SEMA3A: variants seen among roughly 807,000 people sequenced by gnomAD.
SEMA3A encodes the protein semaphorin 3A.
A neutral mutation model predicts 97.9 loss-of-function variants in SEMA3A; 29 were observed. The ratio of observed to expected loss-of-function variants is 0.30; its 90% CI spans 0.22 to 0.40. SEMA3A has a LOEUF of 0.40. Among genes scored for constraint, SEMA3A ranks in the 10% least tolerant of loss-of-function variants. SEMA3A has a pLI of 1.00. For synonymous variants in SEMA3A, 321 were observed against 323.7 expected, an observed-to-expected ratio of 0.99 and a Z score of 0.09; for missense variants, 763 against 951.3, an observed-to-expected ratio of 0.80 and a Z score of 2.60.
At chr7:84,322,702 C>T (rs1238300613) in intron 2 of SEMA3A, among the ~76,000 whole-genome samples, 1 of 152,144 alleles carries the variant, frequency 6.6e-6, no homozygotes, top group Non-Finnish European at 1.5e-5. Context: ...AATTATAAGT[C>T]TCAGGTGTGT....
chr7:84,337,793 T>A (rs112832555), intron 2 of SEMA3A, among the ~76,000 whole-genome samples: 3 of 152,246 alleles, frequency 2.0e-5, no homozygotes, highest in African/African-American at 7.2e-5. Context: ...AGTTGGCACA[T>A]GTTCGTCTTG....
At chr7:84,123,223 T>C (rs919605374) in intron 3 of SEMA3A, among the ~76,000 whole-genome samples, 7 of 152,144 alleles carry the variant, frequency 4.6e-5, no homozygotes, top group African/African-American at 1.7e-4. Flanking sequence ...AATAGAAATG[T>C]TACTGTGTAT....
chr7:84,048,706 C>T (rs73187470), intron 5 of SEMA3A, among the ~76,000 whole-genome samples: 7,340 of 151,900 alleles, frequency 0.048, 286 homozygotes, highest in East Asian at 0.19. Flanking sequence ...AAAATGAAAA[C>T]TGAAAAATTT....
chr7:84,148,430 A>C (rs764496683), intron 1 of SEMA3A, among the ~76,000 whole-genome samples: 22 of 152,170 alleles, frequency 1.4e-4, no homozygotes, highest in Admixed American at 4.6e-4. Flanking sequence ...AACGAATTCA[A>C]AGAATTTCTA....
At chr7:84,208,331 A>G (rs1167384741) in intron 3 of SEMA3A, among the ~76,000 whole-genome samples, 2 of 151,902 alleles carry the variant, frequency 1.3e-5, no homozygotes, top group Non-Finnish European at 2.9e-5. Flanking sequence ...GGGCGCCTGT[A>G]ATCCCAGCTA....
intron 12 of SEMA3A, among the ~76,000 whole-genome samples, chr7:83,988,202 C>T (rs1789717616): frequency 1.3e-5 from 2 of 151,974 alleles, no homozygotes; most frequent in African/African-American, 4.8e-5. Context: ...CCCTAATAAG[C>T]TCTTGTGTTT....
intron 3 of SEMA3A, among the ~76,000 whole-genome samples, chr7:84,259,074 G>A (rs575860889): frequency 6.6e-6 from 1 of 152,130 alleles, no homozygotes; most frequent in South Asian, 2.1e-4. Flanking sequence ...CAACCTCAAT[G>A]TTGAGATACC....
chr7:84,354,567 T>C (rs1331031980), intron 2 of SEMA3A, among the ~76,000 whole-genome samples: 1 of 151,706 alleles, frequency 6.6e-6, no homozygotes, highest in Non-Finnish European at 1.5e-5. Flanking sequence ...ATAAGTGCTC[T>C]ACTTTATGTT....
intron 1 of SEMA3A, among the ~76,000 whole-genome samples, chr7:84,424,370 A>C (rs1804685053): frequency 7.2e-6 from 1 of 138,972 alleles, no homozygotes; most frequent in African/African-American, 2.6e-5. Context: ...TAAAATAATA[A>C]TATAATATAC....
chr7:84,403,004 C>G (rs965420975), intron 1 of SEMA3A, among the ~76,000 whole-genome samples: 1 of 152,100 alleles, frequency 6.6e-6, no homozygotes, highest in Non-Finnish European at 1.5e-5. Context: ...GCATTTCCAA[C>G]TGAGGTAATG....
chr7:84,199,278 T>C (rs866255738), upstream of SEMA3A, among the ~76,000 whole-genome samples: 8 of 152,164 alleles, frequency 5.3e-5, no homozygotes, highest in South Asian at 1.2e-3. Flanking sequence ...AGGATGCACT[T>C]GATTAAATAA....
intron 1 of SEMA3A, among the ~76,000 whole-genome samples, chr7:84,420,705 T>C (rs192395590): frequency 6.6e-6 from 1 of 151,944 alleles, no homozygotes; most frequent in African/African-American, 2.4e-5. Context: ...AAGTCTATGA[T>C]TTAAAGTCTT....
At chr7:84,326,961 A>C (rs1801789815) in intron 2 of SEMA3A, among the ~76,000 whole-genome samples, 1 of 152,054 alleles carries the variant, frequency 6.6e-6, no homozygotes. Context: ...AAAAGCAAGA[A>C]TTGAAAATGG....
At chr7:84,441,344 A>G (rs1805268948) in intron 1 of SEMA3A, among the ~76,000 whole-genome samples, 1 of 151,780 alleles carries the variant, frequency 6.6e-6, no homozygotes, top group Non-Finnish European at 1.5e-5. Flanking sequence ...CAATAAAGAG[A>G]TAGAAACTGT....
intron 3 of SEMA3A, among the ~76,000 whole-genome samples, chr7:84,258,739 T>A (rs997258499): frequency 5.3e-5 from 8 of 152,204 alleles, no homozygotes; most frequent in Admixed American, 3.3e-4. Context: ...TACTGCTCCA[T>A]GAGACAATGA....
At chr7:83,995,499 A>T (rs1227196778) in intron 12 of SEMA3A, among the ~76,000 whole-genome samples, 2 of 152,216 alleles carry the variant, frequency 1.3e-5, no homozygotes, top group Non-Finnish European at 2.9e-5. Flanking sequence ...GAAATTAATA[A>T]CAGTTTGGAA....
intron 3 of SEMA3A, among the ~76,000 whole-genome samples, chr7:84,127,397 C>T (rs1263578524): frequency 6.6e-6 from 1 of 152,046 alleles, no homozygotes; most frequent in Non-Finnish European, 1.5e-5. Flanking sequence ...CCCACTGACT[C>T]CCACTTTGCT....
rs1805349867 is a variant in SEMA3A at position 84,444,285 on chromosome 7, A to G, written c.-246+48175T>C. Among the ~76,000 whole-genome samples, 3 of 152,264 alleles carry G rather than the reference A, an allele frequency of 2.0e-5. No individual in the cohort carries two copies. The South Asian group carries it at 6.2e-4, about 32-fold the overall frequency. On this transcript the variant is annotated intron_variant, in intron 1 of 3. Transcript: ENST00000424555. ...TACAGGATCTTAATCCCACTTGTTC[A>G]AATTTTTTATTAAAAGCTCTTCTTG...
At chr7:84,115,425 A>C (rs563422784) in intron 3 of SEMA3A, among the ~76,000 whole-genome samples, 6 of 138,012 alleles carry the variant, frequency 4.3e-5, no homozygotes, top group African/African-American at 1.6e-4. Flanking sequence ...AAATTACTTG[A>C]AACCTTCAAA....
Sources: gnomAD v4.1 joint callset for allele counts (sites outside exome capture counted in the v4.1 genomes callset) on GRCh38, gnomAD v4.1.1 for gene constraint, MANE v1.5 for transcripts, NCBI Gene and HGNC (gene_info 2026-07-23, HGNC 2026-07-21) for gene names.